Variants in ATAD5 observed in about 807,000 individuals in gnomAD.
ATAD5 encodes the protein ATPase family AAA domain-containing protein 5.
In ATAD5, 58 loss-of-function variants were observed where a neutral mutation model predicts 176.9. The ratio of observed to expected loss-of-function variants is 0.33; its 90% CI spans 0.27 to 0.41. The LOEUF is 0.41. ATAD5 is among the 10% of genes least tolerant of loss of function. The pLI, the probability that ATAD5 is intolerant of heterozygous loss-of-function variation, is 1.00. For missense variants in ATAD5, 1,789 were observed against 2,094.1 expected, an observed-to-expected ratio of 0.85 and a Z score of 2.84; for synonymous variants, 640 against 712.6, an observed-to-expected ratio of 0.90 and a Z score of 1.62.
intron 11 of ATAD5, among the ~76,000 whole-genome samples, chr17:30,867,506 G>A (rs1436591771): frequency 6.6e-6 from 1 of 152,170 alleles, no homozygotes; most frequent in Non-Finnish European, 1.5e-5. Flanking sequence ...AGAAAGTGAT[G>A]GAACTGGGAT....
intron 18 of ATAD5, among the ~76,000 whole-genome samples, chr17:30,884,847 A>T: frequency 6.8e-6 from 1 of 147,892 alleles, no homozygotes; most frequent in Non-Finnish European, 1.5e-5. Context: ...TCCTGGGTTC[A>T]CGCCATTCTC....
chr17:30,877,420 A>C lies in ATAD5; in HGVS notation c.3789A>C (p.Ile1263=), dbSNP rs1395587397. 1 of 1,489,810 alleles carries C rather than the reference A, an allele frequency of 6.7e-7. No individual in the cohort carries two copies. The highest frequency in any genetic ancestry group is 1.4e-5 in the African/African-American group (1 of 70,838). 92.3% of individuals were successfully genotyped at this position (1,489,810 alleles called of 1,614,324 possible). A position where few individuals can be genotyped will look rare whatever the true frequency, so the allele number is the denominator to read the frequency against. Residue 1263 remains isoleucine, a synonymous_variant, in exon 16 of 23, where the codon ATA becomes ATC. Coordinates refer to ENST00000321990, the MANE Select transcript of ATAD5 (RefSeq NM_024857.5). ...IGMLLENNKG[I]KNSFEQKQIT... is the part of the protein sequence containing the mutation. ...ATTAATATTGTATTTATGCAGGAATAAAAAATTCTTTTGAACAGAAACAAA... is the reference window on the plus strand; with the variant it reads ...ATTAATATTGTATTTATGCAGGAATCAAAAATTCTTTTGAACAGAAACAAA...
At chr17:30,857,368 A>G (rs991809140) in intron 8 of ATAD5, among the ~76,000 whole-genome samples, 2 of 151,850 alleles carry the variant, frequency 1.3e-5, no homozygotes, top group African/African-American at 4.8e-5. Context: ...GGCACACACC[A>G]CCATGCCCGG....
chr17:30,878,635 C>T (rs1031568663), intron 17 of ATAD5, among the ~76,000 whole-genome samples: 1 of 147,336 alleles, frequency 6.8e-6, no homozygotes, highest in Admixed American at 6.8e-5. Context: ...AGGCTAGTCT[C>T]TACTTACAAA....
At chr17:30,861,209 C>T (rs950327344) in intron 10 of ATAD5, among the ~76,000 whole-genome samples, 8 of 131,228 alleles carry the variant, frequency 6.1e-5, no homozygotes, top group East Asian at 2.7e-4. Flanking sequence ...CCCCCCTCCC[C>T]GCCCTTGGCC....
At chr17:30,872,777 C>T (rs887749354) in intron 14 of ATAD5, among the ~76,000 whole-genome samples, 17 of 152,094 alleles carry the variant, frequency 1.1e-4, no homozygotes, top group African/African-American at 3.9e-4. Flanking sequence ...AGGCTGGTCT[C>T]AAATTCCTGA....
At position 30,855,034 on chromosome 17, in the gene ATAD5, C is replaced by CAGGCAT. The variant is rs1285861654; in HGVS notation, c.2451-108_2451-103dup. On this transcript the variant is annotated intron_variant, in intron 6 of 22. Transcript: ENST00000321990. ...TCTGCCTCTCAAAGTACTTATATTA[C>CAGGCAT]AGGCATGAGCCACCATGCCCAGCCC... is the stretch of plus-strand genomic sequence containing the variant. 4 of 1,006,164 alleles carry CAGGCAT rather than the reference C, an allele frequency of 4.0e-6. No individual in the cohort carries two copies. The East Asian group carries it at 1.1e-4, about 27-fold the overall frequency. The allele number at this position is 1,006,164 out of a possible 1,614,324, so 62.3% of individuals were successfully genotyped here. A position where few individuals can be genotyped will look rare whatever the true frequency, so the allele number is the denominator to read the frequency against.
At chr17:30,847,585 C>T (rs1567682121) in intron 6 of ATAD5, among the ~76,000 whole-genome samples, 2 of 151,974 alleles carry the variant, frequency 1.3e-5, no homozygotes, top group Admixed American at 6.6e-5. Flanking sequence ...CTGCCTCGGC[C>T]TCCCAAAGTG....
At chr17:30,866,035 CCTTT>C (rs1372188970) in intron 11 of ATAD5, among the ~76,000 whole-genome samples, 2 of 151,966 alleles carry the variant, frequency 1.3e-5, no homozygotes, top group African/African-American at 2.4e-5. Context: ...TTAGTTCCTT[CCTTT>C]CTAACAAATG....
At chr17:30,887,629 C>T (rs1273034793) in intron 19 of ATAD5, among the ~76,000 whole-genome samples, 4 of 151,816 alleles carry the variant, frequency 2.6e-5, no homozygotes, top group African/African-American at 2.4e-5. Context: ...CGCAAGAAAG[C>T]GAGACCCCTG....
intron 8 of ATAD5, 61 bp from the exon 9 acceptor site, chr17:30,858,100 T>C (rs2142366589): frequency 3.0e-6 from 4 of 1,339,720 alleles, no homozygotes; most frequent in Non-Finnish European, 4.0e-6. Context: ...GTTGGTAGTA[T>C]TGTAATTAAC....
At chr17:30,874,178 A>C (rs1212442609) in intron 14 of ATAD5, among the ~76,000 whole-genome samples, 1 of 151,320 alleles carries the variant, frequency 6.6e-6, no homozygotes, top group African/African-American at 2.4e-5. Flanking sequence ...AAAAATAAAT[A>C]AATAAAACCA....
At chr17:30,880,100 G>A (rs946159624) in intron 18 of ATAD5, among the ~76,000 whole-genome samples, 2 of 151,726 alleles carry the variant, frequency 1.3e-5, no homozygotes, top group Non-Finnish European at 2.9e-5. Context: ...TCTGGAGTTC[G>A]AGACTAGCTT....
intron 19 of ATAD5, among the ~76,000 whole-genome samples, chr17:30,889,571 A>G (rs902348533): frequency 6.6e-6 from 1 of 151,588 alleles, no homozygotes; most frequent in African/African-American, 2.4e-5. Flanking sequence ...TTTCCTAAAT[A>G]CTTTATTATT....
intron 6 of ATAD5, among the ~76,000 whole-genome samples, chr17:30,849,757 G>A (rs772532635): frequency 6.6e-6 from 1 of 152,146 alleles, no homozygotes; most frequent in Non-Finnish European, 1.5e-5. Context: ...AAGTACAGAA[G>A]TTTGATGACG....
chr17:30,890,171 G>A (rs1270152671), intron 19 of ATAD5, among the ~76,000 whole-genome samples: 2 of 151,792 alleles, frequency 1.3e-5, no homozygotes, highest in Non-Finnish European at 2.9e-5. Flanking sequence ...TTATAGGCAT[G>A]AGCCACCTCA....
intron 17 of ATAD5, among the ~76,000 whole-genome samples, chr17:30,878,534 T>G (rs578229591): frequency 6.6e-6 from 1 of 152,156 alleles, no homozygotes; most frequent in African/African-American, 2.4e-5. Flanking sequence ...TCACAGAATG[T>G]TTCATTTTAA....
chr17:30,846,660 C>T lies in ATAD5; in HGVS notation c.2450+1744C>T, dbSNP rs549688823. Among the ~76,000 whole-genome samples, 138 of 151,780 alleles carry T rather than the reference C, an allele frequency of 9.1e-4. 1 individual carries two copies. The highest frequency in any genetic ancestry group is 1.8e-3 in the Non-Finnish European group (119 of 67,960). Reference sequence around the variant, plus strand: ...TTGTGATCCGCCTGCCTTGGCCTCCCAAAGTGCTGGGATTATAGGCGTGAG... The same window carrying T: ...TTGTGATCCGCCTGCCTTGGCCTCCTAAAGTGCTGGGATTATAGGCGTGAG... On this transcript the variant is annotated intron_variant, in intron 6 of 22. Coordinates refer to ENST00000321990, the MANE Select transcript of ATAD5 (RefSeq NM_024857.5).
intron 19 of ATAD5, 139 bp downstream of exon 19, chr17:30,887,511 G>A (rs768632218): frequency 1.2e-5 from 8 of 649,216 alleles, no homozygotes; most frequent in Admixed American, 3.7e-5. Flanking sequence ...GAGGCCAGGA[G>A]GTCCAGATCA....
Sources: gnomAD v4.1 joint callset for allele counts (sites outside exome capture counted in the v4.1 genomes callset) on GRCh38, gnomAD v4.1.1 for gene constraint, MANE v1.5 for transcripts, NCBI Gene and HGNC (gene_info 2026-07-23, HGNC 2026-07-21) for gene names.